Variants in HECW2 observed in about 807,000 individuals in gnomAD.
HECW2 encodes the protein E3 ubiquitin-protein ligase HECW2.
HECW2 carries 61 observed loss-of-function variants against 175.2 expected under a neutral mutation model. The observed-to-expected ratio is 0.35, with a 90% CI of 0.28 to 0.43. The LOEUF (loss-of-function observed/expected upper bound fraction) is 0.43. Ranked by LOEUF, HECW2 falls within the 20% of genes least tolerant of loss-of-function variation. The probability of loss-of-function intolerance (pLI) is 1.00; values close to 1 mark genes in which losing one functional copy is unlikely to be tolerated. For missense variants in HECW2, 1,524 were observed against 2,000.5 expected, an observed-to-expected ratio of 0.76 and a Z score of 4.54; for synonymous variants, 671 against 731.0, an observed-to-expected ratio of 0.92 and a Z score of 1.32.
chr2:196,354,761 T>C (rs1693303134), intron 2 of HECW2, among the ~76,000 whole-genome samples: 1 of 152,180 alleles, frequency 6.6e-6, no homozygotes, highest in South Asian at 2.1e-4. Context: ...TGGATCTTTA[T>C]AATAAGAATT....
At chr2:196,342,997 A>C (rs553530184) in intron 3 of HECW2, among the ~76,000 whole-genome samples, 1 of 150,938 alleles carries the variant, frequency 6.6e-6, no homozygotes, top group South Asian at 2.1e-4. Flanking sequence ...AAAATATACT[A>C]TATATATTTT....
At chr2:196,510,005 C>T (rs1354512277) in intron 1 of HECW2, among the ~76,000 whole-genome samples, 1 of 152,200 alleles carries the variant, frequency 6.6e-6, no homozygotes, top group Non-Finnish European at 1.5e-5. Flanking sequence ...GCCTTGACTA[C>T]TATTCCTCCT....
chr2:196,281,018 G>A (rs1392941304), intron 14 of HECW2, among the ~76,000 whole-genome samples: 5 of 152,138 alleles, frequency 3.3e-5, no homozygotes, highest in Non-Finnish European at 5.9e-5. Flanking sequence ...GGAATGTTTT[G>A]AAGGGATGGG....
chr2:196,228,028 A>C, intron 22 of HECW2, 74 bp downstream of exon 22: 1 of 1,336,694 alleles, frequency 7.5e-7, no homozygotes, highest in African/African-American at 1.5e-5. Flanking sequence ...TTTAATGTTT[A>C]AATGTGGGTT....
intron 2 of HECW2, among the ~76,000 whole-genome samples, chr2:196,353,291 G>A (rs1693239033): frequency 6.6e-6 from 1 of 152,040 alleles, no homozygotes; most frequent in Non-Finnish European, 1.5e-5. Context: ...GACCTACTCT[G>A]ACTGCTTCAT....
intron 1 of HECW2, among the ~76,000 whole-genome samples, chr2:196,551,499 A>C (rs909468716): frequency 2.0e-5 from 3 of 152,226 alleles, no homozygotes; most frequent in African/African-American, 7.2e-5. Context: ...CATAGACATA[A>C]CCTAGCAGAA....
chr2:196,540,877 C>G (rs1689188661), intron 1 of HECW2, among the ~76,000 whole-genome samples: 1 of 152,180 alleles, frequency 6.6e-6, no homozygotes, highest in Non-Finnish European at 1.5e-5. Flanking sequence ...AATGGCTGTT[C>G]CTCCCATTTA....
intron 2 of HECW2, among the ~76,000 whole-genome samples, chr2:196,407,465 G>A (rs1021531682): frequency 2.0e-5 from 3 of 152,114 alleles, no homozygotes; most frequent in Admixed American, 1.3e-4. Flanking sequence ...GCCTCCCAAC[G>A]GGCTGGGATT....
intron 1 of HECW2, among the ~76,000 whole-genome samples, chr2:196,488,421 A>G (rs770817397): frequency 1.3e-5 from 2 of 152,208 alleles, no homozygotes; most frequent in Non-Finnish European, 2.9e-5. Context: ...TTTCTTCTTT[A>G]TCTTTCTGAA....
intron 17 of HECW2, among the ~76,000 whole-genome samples, chr2:196,262,825 C>T (rs1253822122): frequency 6.6e-6 from 1 of 152,142 alleles, no homozygotes; most frequent in Non-Finnish European, 1.5e-5. Context: ...CCCAAAGTAG[C>T]TGGGATTACA....
chr2:196,380,409 T>C (rs1033086388), intron 2 of HECW2, among the ~76,000 whole-genome samples: 1 of 152,236 alleles, frequency 6.6e-6, no homozygotes, highest in Non-Finnish European at 1.5e-5. Flanking sequence ...CAGGAATATA[T>C]TTGAGCTTTT....
At chr2:196,240,613 A>C (rs1305975130) in intron 20 of HECW2, 51 bp from the exon 21 acceptor site, 1 of 1,432,810 alleles carries the variant, frequency 7.0e-7, no homozygotes, top group Admixed American at 2.6e-5. Context: ...TATACTATTA[A>C]AGATAATTTA....
intron 2 of HECW2, among the ~76,000 whole-genome samples, chr2:196,352,783 T>C (rs1693216713): frequency 6.6e-6 from 1 of 152,164 alleles, no homozygotes; most frequent in African/African-American, 2.4e-5. Context: ...TAAACACTCA[T>C]TTGACAAGGA....
rs181208074 is a variant in HECW2 at position 196,440,150 on chromosome 2, G to A, written c.-35-6692C>T. Among the ~76,000 whole-genome samples, 512 of 152,144 alleles carry A rather than the reference G, an allele frequency of 3.4e-3. 4 individuals carry two copies. Among genetic ancestry groups the A allele is most frequent in the African/African-American group, 0.011 (470 of 41,512 alleles). On this transcript the variant is annotated intron_variant, in intron 1 of 28. Coordinates refer to ENST00000644978, the MANE Select transcript of HECW2 (RefSeq NM_001348768.2). ...CTTATGAGGGTGGGTCCAAATTGTC[G>A]GTTATTATGAGGCCGGGGATAAAAC...
intron 4 of HECW2, among the ~76,000 whole-genome samples, chr2:196,333,243 A>T (rs1345668039): frequency 6.6e-6 from 1 of 152,066 alleles, no homozygotes; most frequent in African/African-American, 2.4e-5. Flanking sequence ...CAGACCTACG[A>T]GATCAATGAC....
chr2:196,460,776 ATTTTTT>A (rs201916150), intron 1 of HECW2, among the ~76,000 whole-genome samples: 4 of 116,144 alleles, frequency 3.4e-5, no homozygotes, highest in East Asian at 2.9e-4. Flanking sequence ...ACACCTGGCA[ATTTTTT>A]TTTTTTTTTT....
At chr2:196,314,160 T>C (rs1270573716) in intron 10 of HECW2, among the ~76,000 whole-genome samples, 1 of 152,214 alleles carries the variant, frequency 6.6e-6, no homozygotes, top group Non-Finnish European at 1.5e-5. Context: ...CTGGACCACA[T>C]GATGTTGGCT....
At chr2:196,320,927 G>A (rs1467265113) in intron 7 of HECW2, among the ~76,000 whole-genome samples, 1 of 152,248 alleles carries the variant, frequency 6.6e-6, no homozygotes. Context: ...GTAGGGCACT[G>A]TGCTATGCCC....
intron 2 of HECW2, among the ~76,000 whole-genome samples, chr2:196,382,341 G>A (rs1575483992): frequency 6.6e-6 from 1 of 151,526 alleles, no homozygotes; most frequent in Non-Finnish European, 1.5e-5. Context: ...AGAAAAAAAG[G>A]GAAAAATTTG....
Sources: allele counts gnomAD v4.1 joint callset (sites outside exome capture counted in the v4.1 genomes callset), GRCh38; gene constraint gnomAD v4.1.1; transcripts MANE v1.5; gene names NCBI Gene and HGNC (gene_info 2026-07-23, HGNC 2026-07-21).